CENPA: variants seen among roughly 807,000 people sequenced by gnomAD.
CENPA encodes histone H3-like centromeric protein A.
A neutral mutation model predicts 17.2 loss-of-function variants in CENPA; 7 were observed. The observed-to-expected ratio is 0.41, with a 90% CI of 0.23 to 0.76. The LOEUF (loss-of-function observed/expected upper bound fraction) is 0.76. Ranked by LOEUF, CENPA falls within the 30% of genes least tolerant of loss-of-function variation. The pLI is 0.34. For missense variants in CENPA, 149 were observed against 193.1 expected (o/e 0.77, Z 1.35); for synonymous variants, 82 against 77.4 (o/e 1.06, Z -0.31).
chr2:26,792,121 T>C lies in CENPA; in HGVS notation c.101-10T>C. 1 of 1,612,710 alleles carries C rather than the reference T, an allele frequency of 6.2e-7. No individual in the cohort carries two copies. The highest frequency in any genetic ancestry group is 8.5e-7 in the Non-Finnish European group (1 of 1,179,380). Reference sequence around the variant, plus strand: ...CTATTTTCCACTGAACTTACCTTTCTTTTGCTCAGGCGCTTCCTCCCATCA... The same window carrying C: ...CTATTTTCCACTGAACTTACCTTTCCTTTGCTCAGGCGCTTCCTCCCATCA... On this transcript the variant is annotated splice_polypyrimidine_tract_variant and intron_variant, in intron 1 of 4. Coordinates refer to ENST00000335756, the MANE Select transcript of CENPA (RefSeq NM_001809.4).
chr2:26,792,410 T>A, intron 2 of CENPA, 170 bp downstream of exon 2: 1 of 699,218 alleles, frequency 1.4e-6, no homozygotes, highest in Non-Finnish European at 2.6e-6. Flanking sequence ...ACCTTGTAAT[T>A]CTTTATGGAA....
rs1439970229 is a variant in CENPA, at chr2:26,786,269, G to T, written c.73G>T (p.Gly25Cys). The T allele has an allele frequency of 6.7e-6, 9 of 1,346,344 alleles. No homozygotes were observed. Among genetic ancestry groups the T allele is most frequent in the Non-Finnish European group, 8.5e-6 (9 of 1,054,874 alleles). 83.4% of individuals were successfully genotyped at this position (1,346,344 alleles called of 1,614,324 possible). The change falls in exon 1 of 5, where the codon GGC becomes TGC. Residue 25 changes from glycine (G) to cysteine (C), a missense_variant. Physicochemically the swap from Gly to Cys is radical, Grantham distance 159 (BLOSUM62 -3). Coordinates refer to ENST00000335756, the MANE Select transcript of CENPA (RefSeq NM_001809.4). ...RRSPSPTPTPGPSRRGPSLGA... is the reference protein window; with the variant it reads ...RRSPSPTPTPCPSRRGPSLGA... ...CAGCCCGAGCCCGACCCCGACCCCC[G>T]GCCCCTCCCGGCGGGGCCCCTCCTT...
intron 1 of CENPA, among the ~76,000 whole-genome samples, chr2:26,787,429 A>G (rs1190276664): frequency 6.7e-6 from 1 of 149,644 alleles, no homozygotes; most frequent in Non-Finnish European, 1.5e-5. Context: ...GTTAGCCAGG[A>G]TGGTCTTGAT....
At position 26,792,765 on chromosome 2, in the gene CENPA, A is replaced by T. The variant is rs1278139288; in HGVS notation, c.220A>T (p.Ile74Leu). ...CCCCACTCCTTCACAGGCAAGAGAA[A>T]TATGTGTTAAATTCACTCGTGGTGT... ...KLPFSRLARE[I>L]CVKFTRGVDF... The change falls in exon 3 of 5, where the codon ATA (isoleucine) becomes TTA (leucine). Residue 74 changes from isoleucine to leucine, a missense_variant. Physicochemically the swap from Ile to Leu is conservative, Grantham distance 5 (BLOSUM62 2). Coordinates refer to ENST00000335756, the MANE Select transcript of CENPA (RefSeq NM_001809.4). 1.2e-6 allele frequency: 2 copies of T among 1,614,048 alleles called. No homozygotes were observed. The highest frequency in any genetic ancestry group is 1.7e-6 in the Non-Finnish European group (2 of 1,180,004).
chr2:26,790,193 T>C (rs780792286), intron 1 of CENPA, among the ~76,000 whole-genome samples: 15 of 152,186 alleles, frequency 9.9e-5, no homozygotes, highest in Admixed American at 2.0e-4. Flanking sequence ...TATTGGCTAT[T>C]TTGTTTGTTG....
chr2:26,789,257 T>C (rs1188254675), intron 1 of CENPA, among the ~76,000 whole-genome samples: 1 of 152,148 alleles, frequency 6.6e-6, no homozygotes, highest in Non-Finnish European at 1.5e-5. Flanking sequence ...TAGGTGGGTC[T>C]GTGTTCTTAC....
At chr2:26,789,269 G>C (rs1475092542) in intron 1 of CENPA, among the ~76,000 whole-genome samples, 1 of 152,038 alleles carries the variant, frequency 6.6e-6, no homozygotes, top group Non-Finnish European at 1.5e-5. Flanking sequence ...TGTTCTTACT[G>C]TGTCTCAGAA....
rs766114039 is a variant in CENPA at position 26,794,332 on chromosome 2, C to T, written c.*568C>T. 3.3e-5 allele frequency: 5 copies of T among 152,188 alleles called. No individual in the cohort carries two copies. The highest frequency in any genetic ancestry group is 5.9e-5 in the Non-Finnish European group (4 of 68,048). The allele number at this position is 152,188 out of a possible 1,614,324, so 9.4% of individuals were successfully genotyped here. On this transcript the variant is annotated 3_prime_UTR_variant, in exon 5 of 5. Transcript: ENST00000335756. ...TAACTGAGTGGACTGTGCTTGTCAA[C>T]GGATGTGTAGCTTTTCAGAAACTTA...
At chr2:26,789,691 C>A (rs1664580901) in intron 1 of CENPA, among the ~76,000 whole-genome samples, 1 of 152,156 alleles carries the variant, frequency 6.6e-6, no homozygotes, top group Non-Finnish European at 1.5e-5. Flanking sequence ...CCCAGTTGTT[C>A]AAACCACAAG....
At chr2:26,793,545 G>A (rs959851946) in intron 4 of CENPA, among the ~76,000 whole-genome samples, 1 of 152,106 alleles carries the variant, frequency 6.6e-6, no homozygotes, top group African/African-American at 2.4e-5. Context: ...ATTTCTTTTG[G>A]TTGTTATTGT....
rs1009210047 is a variant in CENPA at position 26,794,297 on chromosome 2, C to T, written c.*533C>T. 2.6e-5 allele frequency: 4 copies of T among 152,228 alleles called. No homozygotes were observed. The highest frequency in any genetic ancestry group is 7.2e-5 in the African/African-American group (3 of 41,456). 9.4% of individuals were successfully genotyped at this position (152,228 alleles called of 1,614,324 possible). A position where few individuals can be genotyped will look rare whatever the true frequency, so the allele number is the denominator to read the frequency against. The stretch of plus-strand genomic sequence containing the variant: ...TTCAGAGTAGCCTCACCATTAGTGG[C>T]AGCATCATGTAACTGAGTGGACTGT... On this transcript the variant is annotated 3_prime_UTR_variant, in exon 5 of 5. Transcript: ENST00000335756.
chr2:26,788,982 C>T (rs545818058), intron 1 of CENPA, among the ~76,000 whole-genome samples: 2 of 152,172 alleles, frequency 1.3e-5, no homozygotes, highest in Non-Finnish European at 2.9e-5. Flanking sequence ...GCCGTATTTA[C>T]GATCTTAAGA....
At chr2:26,792,710 C>G in intron 2 of CENPA, 46 bp from the exon 3 acceptor site, 1 of 1,464,890 alleles carries the variant, frequency 6.8e-7, no homozygotes, top group Non-Finnish European at 9.6e-7. Flanking sequence ...AATCTCTCTT[C>G]TGTTACTCCC....
intron 2 of CENPA, 184 bp downstream of exon 2, chr2:26,792,424 A>T: frequency 1.4e-6 from 1 of 701,068 alleles, no homozygotes. Context: ...TATGGAATTG[A>T]TTTCTAACCT....
chr2:26,786,094 C>T lies in CENPA; in HGVS notation c.-103C>T, dbSNP rs904164169. On this transcript the variant is annotated 5_prime_UTR_variant, in exon 1 of 5. Coordinates refer to ENST00000335756, the MANE Select transcript of CENPA (RefSeq NM_001809.4). ...GCACCGGCTCATGTGAGGCTCGCGG[C>T]ACAGCGTTCTCTGGGCTCCCCAGAA... 63 of 1,292,414 alleles carry T rather than the reference C, an allele frequency of 4.9e-5. No individual in the cohort carries two copies. Among genetic ancestry groups the T allele is most frequent in the Non-Finnish European group, 5.6e-5 (57 of 1,019,746 alleles). 80.1% of individuals were successfully genotyped at this position (1,292,414 alleles called of 1,614,324 possible). A position where few individuals can be genotyped will look rare whatever the true frequency, so the allele number is the denominator to read the frequency against.
rs184168682 is a variant in CENPA at position 26,790,918 on chromosome 2, A to G, written c.101-1213A>G. Among the ~76,000 whole-genome samples, 543 of 152,352 alleles carry G rather than the reference A, an allele frequency of 3.6e-3. 2 individuals are homozygous for G. The highest frequency in any genetic ancestry group is 0.012 in the African/African-American group (515 of 41,576). ...TAGTTTATTGTATTAAATGCCTTCT[A>G]TCGAACTTGGTGTAGAGTCTCTTTG... is the stretch of plus-strand genomic sequence containing the variant. On this transcript the variant is annotated intron_variant, in intron 1 of 4. Coordinates refer to ENST00000335756, the MANE Select transcript of CENPA (RefSeq NM_001809.4).
rs771592458 is a variant in CENPA, at chr2:26,793,231, T to C, written c.375T>C (p.Asp125=). The C allele has an allele frequency of 1.9e-6, 3 of 1,614,176 alleles. No individual in the cohort carries two copies. Among genetic ancestry groups the C allele is most frequent in the Admixed American group, 1.7e-5 (1 of 60,024 alleles). The change falls in exon 4 of 5, where the codon GAT becomes GAC. Residue 125 remains aspartate (D), a synonymous_variant. Coordinates refer to ENST00000335756, the MANE Select transcript of CENPA (RefSeq NM_001809.4). ...HAGRVTLFPK[D]VQLARRIRGL... ...GCCGAGTTACTCTCTTCCCAAAGGATGTGCAACTGGCCCGGAGGATCCGGG... is the reference window on the plus strand; with the variant it reads ...GCCGAGTTACTCTCTTCCCAAAGGACGTGCAACTGGCCCGGAGGATCCGGG...
At chr2:26,789,478 A>G (rs970536622) in intron 1 of CENPA, among the ~76,000 whole-genome samples, 1 of 151,768 alleles carries the variant, frequency 6.6e-6, no homozygotes, top group African/African-American at 2.4e-5. Context: ...GTGGCTCTAA[A>G]TCCCACTCAT....
At chr2:26,792,734 C>T in intron 2 of CENPA, 22 bp from the exon 3 acceptor site, 3 of 1,603,136 alleles carry the variant, frequency 1.9e-6, no homozygotes, top group Non-Finnish European at 2.6e-6. Flanking sequence ...TCCTACTCCT[C>T]CCCTTCCCCA....
Sources: gnomAD v4.1 joint callset for allele counts (sites outside exome capture counted in the v4.1 genomes callset) on GRCh38, gnomAD v4.1.1 for gene constraint, MANE v1.5 for transcripts, NCBI Gene and HGNC (gene_info 2026-07-23, HGNC 2026-07-21) for gene names.